PSIP1: variants seen among roughly 807,000 people sequenced by gnomAD.
The protein encoded by PSIP1 is PC4 and SRSF1 interacting protein 1, also known as PC4 and SFRS1-interacting protein.
A neutral mutation model predicts 74.7 loss-of-function variants in PSIP1; 19 were observed. That is an observed-to-expected ratio of 0.25 (90% CI 0.18 to 0.37). The LOEUF (loss-of-function observed/expected upper bound fraction) is 0.37. Ranked by LOEUF, PSIP1 falls within the 10% of genes least tolerant of loss-of-function variation. The probability of loss-of-function intolerance (pLI) is 1.00; values close to 1 mark genes in which losing one functional copy is unlikely to be tolerated. For synonymous variants in PSIP1, 222 were observed against 195.3 expected (o/e 1.14, Z -1.14); for missense variants, 601 against 614.3 (o/e 0.98, Z 0.23).
chr9:15,478,373 A>G, intron 8 of PSIP1, 104 bp downstream of exon 8: 2 of 944,904 alleles, frequency 2.1e-6, no homozygotes, highest in East Asian at 2.6e-5. Context: ...CAAAATAATA[A>G]CAAACATCCT....
At chr9:15,502,244 G>C (rs1416766610) in intron 3 of PSIP1, among the ~76,000 whole-genome samples, 1 of 151,872 alleles carries the variant, frequency 6.6e-6, no homozygotes, top group Non-Finnish European at 1.5e-5. Context: ...ATGCTATATA[G>C]TTGTTACATT....
intron 3 of PSIP1, among the ~76,000 whole-genome samples, chr9:15,496,688 T>C (rs183905622): frequency 1.0e-3 from 158 of 152,352 alleles, no homozygotes; most frequent in Non-Finnish European, 2.1e-3. Context: ...TCAACTGATG[T>C]CATACATAAA....
intron 8 of PSIP1, among the ~76,000 whole-genome samples, chr9:15,478,088 C>T (rs2036171839): frequency 6.9e-6 from 1 of 144,066 alleles, no homozygotes; most frequent in African/African-American, 2.6e-5. Flanking sequence ...GATTGCAGCA[C>T]TGCACTCCAG....
In PSIP1 at chr9:15,478,468, T is replaced by C; in HGVS notation, c.629+9A>G. On this transcript the variant is annotated intron_variant, in intron 8 of 15. Transcript: ENST00000380733. ...TTATTGCATAATTATACATTAAAAA[T>C]AAACTCACATGTCACTCTCTGAAGG... 1.3e-6 allele frequency: 2 copies of C among 1,558,492 alleles called. No homozygotes were observed. The highest frequency in any genetic ancestry group is 1.1e-5 in the South Asian group (1 of 89,092).
intron 3 of PSIP1, among the ~76,000 whole-genome samples, chr9:15,498,030 A>G (rs72706622): frequency 1.8e-3 from 272 of 152,300 alleles, no homozygotes; most frequent in Non-Finnish European, 2.1e-3. Flanking sequence ...GCCATTTTCC[A>G]TGTCAAATTT....
At chr9:15,491,873 C>G (rs1174985664) in intron 3 of PSIP1, 1 of 152,428 alleles carries the variant, frequency 6.6e-6, no homozygotes, top group Non-Finnish European at 1.5e-5. Flanking sequence ...AGAATGCATG[C>G]AAGCAGGGAA....
At chr9:15,473,912 AAAC>A (rs1231725355) in intron 9 of PSIP1, 94 bp downstream of exon 9, 10 of 910,394 alleles carry the variant, frequency 1.1e-5, no homozygotes, top group East Asian at 5.9e-5. Flanking sequence ...AACAAAAAAA[AAAC>A]AAAAAAAAAA....
rs572735178 is a variant in PSIP1, at chr9:15,464,099, T to C, written c.*1421A>G. ...AAAAATTCTTTAATGAAAACAAGTT[T>C]ACACGTTGAACTTATGGCTTAACTA... On this transcript the variant is annotated 3_prime_UTR_variant, in exon 16 of 16. Transcript: ENST00000380733. 10 of 179,574 alleles carry C rather than the reference T, an allele frequency of 5.6e-5. No homozygotes were observed. The East Asian group carries it at 9.3e-4, about 17-fold the overall frequency. The allele number at this position is 179,574 out of a possible 1,614,324, so 11.1% of individuals were successfully genotyped here. A position where few individuals can be genotyped will look rare whatever the true frequency, so the allele number is the denominator to read the frequency against.
chr9:15,507,284 A>G (rs1453229710), intron 2 of PSIP1, among the ~76,000 whole-genome samples: 1 of 152,238 alleles, frequency 6.6e-6, no homozygotes, highest in Non-Finnish European at 1.5e-5. Flanking sequence ...TATCCATAAT[A>G]CTTGTTACTT....
chr9:15,469,859 C>A, intron 11 of PSIP1, 79 bp downstream of exon 11: 1 of 1,244,984 alleles, frequency 8.0e-7, no homozygotes, highest in Non-Finnish European at 1.1e-6. Context: ...TATTCCAAAA[C>A]CAATACATGA....
At chr9:15,484,496 G>A (rs12346505) in intron 6 of PSIP1, among the ~76,000 whole-genome samples, 14 of 151,746 alleles carry the variant, frequency 9.2e-5, no homozygotes, top group South Asian at 2.1e-4. Flanking sequence ...AGGCCGAGGT[G>A]GGTGGATCAC....
intron 8 of PSIP1, among the ~76,000 whole-genome samples, chr9:15,475,682 C>A (rs1008277656): frequency 6.6e-6 from 1 of 151,988 alleles, no homozygotes; most frequent in African/African-American, 2.4e-5. Context: ...AAAAATTTAT[C>A]CTAAGGTCAT....
chr9:15,473,484 G>A (rs989708423), intron 9 of PSIP1, among the ~76,000 whole-genome samples: 10 of 152,306 alleles, frequency 6.6e-5, no homozygotes, highest in African/African-American at 1.4e-4. Context: ...ATAAAGGGAC[G>A]TTTTCAATAT....
chr9:15,488,389 C>T (rs922809545), intron 4 of PSIP1, among the ~76,000 whole-genome samples: 2 of 152,054 alleles, frequency 1.3e-5, no homozygotes, highest in South Asian at 2.1e-4. Flanking sequence ...GTTGCTACCT[C>T]GCTTCTTTAG....
chr9:15,508,318 G>A (rs1030797088), intron 2 of PSIP1, among the ~76,000 whole-genome samples: 6 of 152,148 alleles, frequency 3.9e-5, no homozygotes, highest in Non-Finnish European at 7.3e-5. Context: ...GAATGTAACT[G>A]TTGGACACAG....
At chr9:15,471,700 TAAGA>T (rs1181062985) in intron 10 of PSIP1, 8 of 965,566 alleles carry the variant, frequency 8.3e-6, no homozygotes, top group Middle Eastern at 5.2e-4. Context: ...TCCTCCAAAC[TAAGA>T]AAGCAGAGTA....
At chr9:15,489,743 C>T (rs980438508) in intron 4 of PSIP1, among the ~76,000 whole-genome samples, 4 of 151,682 alleles carry the variant, frequency 2.6e-5, no homozygotes, top group Non-Finnish European at 4.4e-5. Context: ...CGTATTAAAC[C>T]CTCTATCAGG....
chr9:15,510,224 A>G lies in PSIP1; in HGVS notation c.-36T>C, dbSNP rs1563906243. ...CGAGACCGGGGGTCCGAAGCCCGGG[A>G]GGCGGCGAGGAGATGCGGCGGCGCG... On this transcript the variant is annotated 5_prime_UTR_variant, in exon 2 of 16. Transcript: ENST00000380733. 2 of 1,584,222 alleles carry G rather than the reference A, an allele frequency of 1.3e-6. No individual in the cohort carries two copies. The highest frequency in any genetic ancestry group is 1.7e-5 in the Admixed American group (1 of 57,664).
rs569658234 is a variant in PSIP1 at position 15,471,930 on chromosome 9, G to T, written c.977+702C>A. The T allele has an allele frequency of 3.8e-5, 37 of 980,170 alleles. 1 individual carries two copies. In the South Asian group the frequency reaches 1.6e-3, roughly 41 times the overall value. The allele number at this position is 980,170 out of a possible 1,614,324, so 60.7% of individuals were successfully genotyped here. On this transcript the variant is annotated intron_variant, in intron 10 of 15. Transcript: ENST00000380733. ...CACGAGAAAAGAAAAGCATGTCAGA[G>T]AAAGAACTCAGAAGTGACAGTCTAA...
Sources: allele counts gnomAD v4.1 joint callset (sites outside exome capture counted in the v4.1 genomes callset), GRCh38; gene constraint gnomAD v4.1.1; transcripts MANE v1.5; gene names NCBI Gene and HGNC (gene_info 2026-07-23, HGNC 2026-07-21).